GSTCD: variants seen among roughly 807,000 people sequenced by gnomAD.
GSTCD encodes glutathione S-transferase C-terminal domain-containing protein.
GSTCD carries 44 observed loss-of-function variants against 68.3 expected under a neutral mutation model. The ratio of observed to expected loss-of-function variants is 0.64; its 90% CI spans 0.51 to 0.83. The LOEUF (loss-of-function observed/expected upper bound fraction) is 0.83, where lower values mean the gene tolerates loss of function less well. Ranked by LOEUF, GSTCD falls within the 40% of genes least tolerant of loss-of-function variation. The probability of loss-of-function intolerance (pLI) is 0.00; values close to 1 mark genes in which losing one functional copy is unlikely to be tolerated. For synonymous variants in GSTCD, 273 were observed against 255.2 expected, an observed-to-expected ratio of 1.07 and a Z score of -0.67; for missense variants, 739 against 735.9, an observed-to-expected ratio of 1.00 and a Z score of -0.05.
At chr4:105,711,811 T>C (rs1474274812) in intron 1 of GSTCD, among the ~76,000 whole-genome samples, 1 of 152,232 alleles carries the variant, frequency 6.6e-6, no homozygotes, top group Non-Finnish European at 1.5e-5. Flanking sequence ...TTTATAAATA[T>C]TCTTGCTAGG....
chr4:105,815,841 G>T (rs976397301), intron 5 of GSTCD, among the ~76,000 whole-genome samples: 7 of 152,132 alleles, frequency 4.6e-5, no homozygotes, highest in African/African-American at 1.7e-4. Context: ...GTTTGGTCTT[G>T]TGGGCAACTT....
chr4:105,797,917 C>A (rs937040879), intron 5 of GSTCD, among the ~76,000 whole-genome samples: 1 of 151,780 alleles, frequency 6.6e-6, no homozygotes, highest in Non-Finnish European at 1.5e-5. Flanking sequence ...TACAGGTGTG[C>A]ACCACCATAC....
At chr4:105,816,597 A>G (rs1723006116) in intron 5 of GSTCD, among the ~76,000 whole-genome samples, 1 of 152,026 alleles carries the variant, frequency 6.6e-6, no homozygotes, top group Admixed American at 6.6e-5. Flanking sequence ...TTTATGATTG[A>G]CTCTGAATAA....
chr4:105,740,860 T>A (rs958145930), intron 5 of GSTCD, among the ~76,000 whole-genome samples: 1 of 152,148 alleles, frequency 6.6e-6, no homozygotes, highest in Non-Finnish European at 1.5e-5. Flanking sequence ...GCAGCCATAG[T>A]GTCAGTTCAA....
intron 5 of GSTCD, among the ~76,000 whole-genome samples, chr4:105,777,713 C>G (rs1378948893): frequency 6.6e-6 from 1 of 152,112 alleles, no homozygotes; most frequent in Non-Finnish European, 1.5e-5. Context: ...TTCTCTAAGT[C>G]TTGGTTTTCT....
intron 5 of GSTCD, among the ~76,000 whole-genome samples, chr4:105,807,883 G>A (rs187848605): frequency 1.5e-3 from 234 of 152,174 alleles, no homozygotes; most frequent in Middle Eastern, 3.4e-3. Context: ...TTTCCTCAAT[G>A]GTTTTAGCAT....
Position 105,836,611 on chromosome 4 carries a change from A to G in GSTCD, c.1665-1248A>G, listed in dbSNP as rs962479792. On this transcript the variant is annotated intron_variant, in intron 9 of 11. Transcript: ENST00000515279. ...GTCCATCTCATGCTCGTCAGTGCCC[A>G]AAGTCCAGAGGGGGCTGAGGCGGGG... Among the ~76,000 whole-genome samples the G allele has an allele frequency of 2.0e-5, 3 of 152,188 alleles. No homozygotes were observed. The South Asian group carries it at 6.2e-4, about 32-fold the overall frequency.
intron 5 of GSTCD, among the ~76,000 whole-genome samples, chr4:105,753,511 T>C (rs2193853): frequency 0.21 from 32,090 of 151,988 alleles, 6,724 homozygotes; most frequent in African/African-American, 0.54. Flanking sequence ...TACAGACTTT[T>C]TTCTTGTCAT....
At chr4:105,842,214 A>G in intron 11 of GSTCD, 80 bp downstream of exon 11, 1 of 1,083,840 alleles carries the variant, frequency 9.2e-7, no homozygotes, top group Non-Finnish European at 1.4e-6. Flanking sequence ...CTATATGGGA[A>G]AAATTTAGCA....
intron 5 of GSTCD, among the ~76,000 whole-genome samples, chr4:105,785,402 G>T (rs965475434): frequency 1.3e-5 from 2 of 151,694 alleles, no homozygotes; most frequent in African/African-American, 4.8e-5. Context: ...AGAAAGGCAA[G>T]GTTGATATAG....
chr4:105,816,800 A>C (rs1412491314), intron 5 of GSTCD, among the ~76,000 whole-genome samples: 1 of 151,982 alleles, frequency 6.6e-6, no homozygotes, highest in African/African-American at 2.4e-5. Context: ...TGACATTAGA[A>C]ATCCTACTTT....
chr4:105,791,445 A>G (rs1014011044), intron 5 of GSTCD, among the ~76,000 whole-genome samples: 1 of 151,676 alleles, frequency 6.6e-6, no homozygotes, highest in African/African-American at 2.4e-5. Context: ...ATGTAGAACT[A>G]TTTGGTTGTT....
chr4:105,717,570 A>T, intron 1 of GSTCD, 23 bp from the exon 2 acceptor site: 2 of 1,318,034 alleles, frequency 1.5e-6, no homozygotes, highest in Non-Finnish European at 2.1e-6. Context: ...CTAAGACCAT[A>T]ATCACTTCAA....
chr4:105,833,469 A>G (rs1237412499), intron 8 of GSTCD, among the ~76,000 whole-genome samples: 1 of 152,158 alleles, frequency 6.6e-6, no homozygotes, highest in Admixed American at 6.5e-5. Context: ...GTCTCAAAAA[A>G]AAAAAAAAGT....
chr4:105,823,079 C>A lies in GSTCD; in HGVS notation c.1356+10C>A. ...TTTCTGCAGCGGTGGGGTATTTTATCTCTCCTTTCATCCTTTTTAGTCTTT... is the reference window on the plus strand; with the variant it reads ...TTTCTGCAGCGGTGGGGTATTTTATATCTCCTTTCATCCTTTTTAGTCTTT... On this transcript the variant is annotated intron_variant, in intron 6 of 11. Coordinates refer to ENST00000515279, the MANE Select transcript of GSTCD (RefSeq NM_001370181.1). 1 of 1,602,512 alleles carries A rather than the reference C, an allele frequency of 6.2e-7. No individual in the cohort carries two copies. The highest frequency in any genetic ancestry group is 1.3e-5 in the African/African-American group (1 of 74,738).
chr4:105,763,954 A>T (rs556213756), intron 5 of GSTCD, among the ~76,000 whole-genome samples: 1 of 152,200 alleles, frequency 6.6e-6, no homozygotes, highest in African/African-American at 2.4e-5. Context: ...CAAAAAAAAA[A>T]GTTTAGTTTC....
At position 105,768,417 on chromosome 4, in the gene GSTCD, G is replaced by A. The variant is rs183487165; in HGVS notation, c.1240+38918G>A. Among the ~76,000 whole-genome samples the A allele has an allele frequency of 3.9e-3, 594 of 152,152 alleles. 5 individuals carry two copies. The highest frequency in any genetic ancestry group is 0.014 in the African/African-American group (572 of 41,520). On this transcript the variant is annotated intron_variant, in intron 5 of 11. Transcript: ENST00000515279. Reference sequence around the variant, plus strand: ...TTGTTGTTTTGAAAATTAGTTCTTAGCAGTCTATAGGTTTAAAAATTTTCC... The same window carrying A: ...TTGTTGTTTTGAAAATTAGTTCTTAACAGTCTATAGGTTTAAAAATTTTCC...
At chr4:105,751,685 C>G (rs1469590252) in intron 5 of GSTCD, among the ~76,000 whole-genome samples, 1 of 152,058 alleles carries the variant, frequency 6.6e-6, no homozygotes, top group African/African-American at 2.4e-5. Flanking sequence ...CTGAAAACTT[C>G]AAGACATCTT....
At chr4:105,775,721 G>C (rs933039468) in intron 5 of GSTCD, among the ~76,000 whole-genome samples, 1 of 152,216 alleles carries the variant, frequency 6.6e-6, no homozygotes, top group Admixed American at 6.5e-5. Context: ...TCCTCTGGAA[G>C]CTTTGTTCCG....
Sources: gnomAD v4.1 joint callset for allele counts (sites outside exome capture counted in the v4.1 genomes callset) on GRCh38, gnomAD v4.1.1 for gene constraint, MANE v1.5 for transcripts, NCBI Gene and HGNC (gene_info 2026-07-23, HGNC 2026-07-21) for gene names.